The following PLCZ1 variants were observed in gnomAD, a reference collection of about 807,000 sequenced individuals.
The protein encoded by PLCZ1 is phospholipase C zeta 1, also known as 1-phosphatidylinositol 4,5-bisphosphate phosphodiesterase zeta-1.
In PLCZ1, 64 loss-of-function variants were observed where a neutral mutation model predicts 76.8. The observed-to-expected ratio is 0.83, with a 90% CI of 0.68 to 1.03. PLCZ1 has a LOEUF of 1.03. Among genes scored for constraint, PLCZ1 ranks in the 50% least tolerant of loss-of-function variants. The pLI, the probability that PLCZ1 is intolerant of heterozygous loss-of-function variation, is 0.00. For missense variants in PLCZ1, 751 were observed against 713.7 expected, an observed-to-expected ratio of 1.05 and a Z score of -0.60; for synonymous variants, 248 against 230.8, an observed-to-expected ratio of 1.07 and a Z score of -0.68.
the PLCZ1 span, among the ~76,000 whole-genome samples, chr12:18,659,328 A>G: frequency 6.6e-6 from 1 of 152,146 alleles, no homozygotes; most frequent in Non-Finnish European, 1.5e-5. Context: ...AGTCAGACAA[A>G]ATAAGCTGCC....
intron 10 of PLCZ1, among the ~76,000 whole-genome samples, chr12:18,698,179 C>T (rs1955363838): frequency 6.6e-6 from 1 of 151,998 alleles, no homozygotes. Flanking sequence ...ATCCAACTCA[C>T]ATGCACGATG....
chr12:18,701,983 T>A (rs1422227493), intron 7 of PLCZ1, among the ~76,000 whole-genome samples: 2 of 152,172 alleles, frequency 1.3e-5, no homozygotes, highest in South Asian at 2.1e-4. Flanking sequence ...CACCAAAAAA[T>A]AAGCCTGTTA....
chr12:18,662,202 A>T, the PLCZ1 span, among the ~76,000 whole-genome samples: 15,957 of 152,124 alleles, frequency 0.1, 1,066 homozygotes, highest in African/African-American at 0.19. Flanking sequence ...CTACCTAAAT[A>T]GCATAGGCAC....
At chr12:18,649,722 G>A in the PLCZ1 span, among the ~76,000 whole-genome samples, 1 of 152,006 alleles carries the variant, frequency 6.6e-6, no homozygotes. Context: ...TAAATCCAAA[G>A]GTTATTTTTC....
chr12:18,720,006 T>C (rs550924343), intron 4 of PLCZ1, among the ~76,000 whole-genome samples: 2 of 152,152 alleles, frequency 1.3e-5, no homozygotes, highest in East Asian at 3.9e-4. Flanking sequence ...CCGACTAACT[T>C]CCCAGTCACT....
intron 6 of PLCZ1, among the ~76,000 whole-genome samples, chr12:18,706,583 G>A (rs978565432): frequency 1.4e-4 from 22 of 152,228 alleles, no homozygotes; most frequent in African/African-American, 3.6e-4. Flanking sequence ...TCTCATTGCT[G>A]TAACTTCAAA....
At chr12:18,720,131 TC>T (rs1958354619) in intron 4 of PLCZ1, among the ~76,000 whole-genome samples, 1 of 152,148 alleles carries the variant, frequency 6.6e-6, no homozygotes, top group Admixed American at 6.5e-5. Context: ...GTACCTGGTT[TC>T]TTTTACTCAA....
At chr12:18,723,628 A>T (rs1046594317) in intron 3 of PLCZ1, 86 bp from the exon 4 acceptor site, 5 of 1,012,538 alleles carry the variant, frequency 4.9e-6, no homozygotes, top group Non-Finnish European at 7.5e-6. Flanking sequence ...AACATGTAGT[A>T]ATTTATACTT....
chr12:18,673,146 G>A, the PLCZ1 span, among the ~76,000 whole-genome samples: 1 of 152,140 alleles, frequency 6.6e-6, no homozygotes, highest in Non-Finnish European at 1.5e-5. Flanking sequence ...TTAAGGAACA[G>A]GGGAATTTAT....
chr12:18,669,338 C>G, the PLCZ1 span, among the ~76,000 whole-genome samples: 1 of 152,176 alleles, frequency 6.6e-6, no homozygotes, highest in Non-Finnish European at 1.5e-5. Flanking sequence ...TACTATGTAG[C>G]AGGCACCACA....
chr12:18,667,727 A>G, the PLCZ1 span, among the ~76,000 whole-genome samples: 1 of 152,170 alleles, frequency 6.6e-6, no homozygotes, highest in African/African-American at 2.4e-5. Flanking sequence ...GAAATAAGCA[A>G]TAGTATTTCT....
At chr12:18,723,274 A>G (rs1473116818) in intron 4 of PLCZ1, 37 bp downstream of exon 4, 5 of 1,537,184 alleles carry the variant, frequency 3.3e-6, no homozygotes. Context: ...TACTTCACAT[A>G]TAAATATTCC....
At chr12:18,649,326 A>C in the PLCZ1 span, among the ~76,000 whole-genome samples, 1 of 152,106 alleles carries the variant, frequency 6.6e-6, no homozygotes, top group Non-Finnish European at 1.5e-5. Context: ...CCAGAGAAGA[A>C]CTACCCATGC....
At chr12:18,692,202 A>G (rs77052597) in intron 12 of PLCZ1, among the ~76,000 whole-genome samples, 7,909 of 152,198 alleles carry the variant, frequency 0.052, 289 homozygotes, top group Non-Finnish European at 0.077. Context: ...AAACATAAAC[A>G]CTACAAAATT....
At chr12:18,692,426 T>C (rs1362598779) in intron 12 of PLCZ1, among the ~76,000 whole-genome samples, 1 of 152,144 alleles carries the variant, frequency 6.6e-6, no homozygotes, top group Non-Finnish European at 1.5e-5. Flanking sequence ...AGCATAGCAC[T>C]TAGGTTATAG....
chr12:18,696,773 A>G (rs1955115190), intron 10 of PLCZ1, among the ~76,000 whole-genome samples: 2 of 152,030 alleles, frequency 1.3e-5, no homozygotes, highest in African/African-American at 4.8e-5. Context: ...AGGCACCCCA[A>G]AGTTGTCCAG....
chr12:18,706,577 A>C (rs114094794), intron 6 of PLCZ1, among the ~76,000 whole-genome samples: 1,726 of 152,278 alleles, frequency 0.011, 30 homozygotes, highest in African/African-American at 0.04. Context: ...GCCCTTTCTC[A>C]TTGCTGTAAC....
At chr12:18,672,742 C>A in the PLCZ1 span, among the ~76,000 whole-genome samples, 1 of 152,110 alleles carries the variant, frequency 6.6e-6, no homozygotes, top group African/African-American at 2.4e-5. Flanking sequence ...GGAATAGATG[C>A]CTTGAACTCT....
chr12:18,713,270 G>A (rs1330804860), intron 5 of PLCZ1, among the ~76,000 whole-genome samples: 1 of 152,074 alleles, frequency 6.6e-6, no homozygotes, highest in East Asian at 1.9e-4. Context: ...AGTAAGCAAT[G>A]AGGATACCTG....
Sources: allele counts gnomAD v4.1 joint callset (sites outside exome capture counted in the v4.1 genomes callset), GRCh38; gene constraint gnomAD v4.1.1; transcripts MANE v1.5; gene names NCBI Gene and HGNC (gene_info 2026-07-23, HGNC 2026-07-21).